NUDT7: variants seen among roughly 807,000 people sequenced by gnomAD.
NUDT7 encodes nudix hydrolase 7.
NUDT7 carries 19 observed loss-of-function variants against 13.1 expected under a neutral mutation model. That is an observed-to-expected ratio of 1.45 (90% confidence interval 1.01 to 2.13). The LOEUF is 2.13. Among genes scored for constraint, NUDT7 ranks in the 30% most tolerant of loss-of-function variants. The probability of loss-of-function intolerance (pLI) is 0.00; values close to 1 mark genes in which losing one functional copy is unlikely to be tolerated. For synonymous variants in NUDT7, 132 were observed against 109.7 expected (o/e 1.20, Z -1.27); for missense variants, 360 against 291.7 (o/e 1.23, Z -1.71).
chr16:77,741,837 A>G lies in NUDT7; in HGVS notation c.604A>G (p.Ile202Val), dbSNP rs992683649. 11 of 1,614,034 alleles carry G rather than the reference A, an allele frequency of 6.8e-6. No homozygotes were observed. Among genetic ancestry groups the G allele is most frequent in the African/African-American group, 2.7e-5 (2 of 74,932 alleles). ...TANLAVLVAF[I>V]ILEKKPTFEV... ...AAACCTTGCAGTGTTGGTGGCCTTT[A>G]TCATTTTGGAAAAAAAACCCACCTT... Residue 202 changes from isoleucine (I) to valine (V), a missense_variant, in exon 4 of 4, where the codon ATC (isoleucine) becomes GTC (valine). Coordinates refer to ENST00000268533, the MANE Select transcript of NUDT7 (RefSeq NM_001105663.3).
chr16:77,733,405 T>C (rs955310489), intron 2 of NUDT7, among the ~76,000 whole-genome samples: 3 of 152,204 alleles, frequency 2.0e-5, no homozygotes, highest in East Asian at 3.9e-4. Flanking sequence ...CTGGTCTCTT[T>C]TATAAGGGCA....
intron 2 of NUDT7, among the ~76,000 whole-genome samples, chr16:77,730,220 G>A (rs546178749): frequency 1.3e-3 from 201 of 152,194 alleles, no homozygotes; most frequent in African/African-American, 4.7e-3. Flanking sequence ...TACATCTCTC[G>A]AATTTATTCC....
intron 3 of NUDT7, among the ~76,000 whole-genome samples, chr16:77,739,980 C>A (rs74883627): frequency 0.015 from 2,255 of 152,262 alleles, 70 homozygotes; most frequent in Admixed American, 0.068. Context: ...CTCCCCTCTT[C>A]CCCTTAACTG....
At chr16:77,726,756 C>T (rs1597110983) in intron 2 of NUDT7, among the ~76,000 whole-genome samples, 1 of 152,046 alleles carries the variant, frequency 6.6e-6, no homozygotes, top group Non-Finnish European at 1.5e-5. Context: ...GAGATTGTGC[C>T]ACTGCGCTCC....
At chr16:77,727,661 T>C (rs1288004640) in intron 2 of NUDT7, among the ~76,000 whole-genome samples, 1 of 152,070 alleles carries the variant, frequency 6.6e-6, no homozygotes, top group African/African-American at 2.4e-5. Flanking sequence ...TCGAGACCAG[T>C]CTGGCCAACA....
At chr16:77,741,477 C>G in intron 3 of NUDT7, 105 bp from the exon 4 acceptor site, 1 of 1,202,810 alleles carries the variant, frequency 8.3e-7, no homozygotes, top group South Asian at 1.5e-5. Context: ...CCCCTTCTCC[C>G]AGGTTCGGTG....
At chr16:77,723,565 G>A (rs968921831) in intron 1 of NUDT7, among the ~76,000 whole-genome samples, 4 of 149,586 alleles carry the variant, frequency 2.7e-5, no homozygotes, top group Non-Finnish European at 5.9e-5. Context: ...AAATGAAGAT[G>A]AAACTCAGAG....
At chr16:77,735,215 A>T (rs2014438989) in intron 2 of NUDT7, among the ~76,000 whole-genome samples, 2 of 152,036 alleles carry the variant, frequency 1.3e-5, no homozygotes, top group African/African-American at 4.8e-5. Context: ...TCCCCACCCA[A>T]ATCTCATGTT....
intron 2 of NUDT7, 68 bp downstream of exon 2, chr16:77,725,652 C>T (rs752670591): frequency 3.4e-6 from 5 of 1,453,624 alleles, no homozygotes; most frequent in South Asian, 2.6e-5. Context: ...GATTTTGTCA[C>T]TTGCACACAC....
chr16:77,728,191 C>T (rs1037791352), intron 2 of NUDT7, among the ~76,000 whole-genome samples: 7 of 152,094 alleles, frequency 4.6e-5, no homozygotes, highest in Non-Finnish European at 1.0e-4. Context: ...TGGGTTAACC[C>T]TTCTCAAATG....
At position 77,738,739 on chromosome 16, in the gene NUDT7, C is replaced by T. The variant is rs181827681; in HGVS notation, c.348+2753C>T. Among the ~76,000 whole-genome samples the T allele has an allele frequency of 6.8e-4, 104 of 152,242 alleles. 1 individual carries two copies. Among genetic ancestry groups the T allele is most frequent in the African/African-American group, 1.7e-3 (72 of 41,548 alleles). ...GTATGTATGCACCTATGTATGTACC[C>T]GCTACATAAGCCTTCCAGGCAGGCT... On this transcript the variant is annotated intron_variant, in intron 3 of 3. Transcript: ENST00000268533.
At position 77,725,661 on chromosome 16, in the gene NUDT7, A is replaced by G. The variant is rs546301272; in HGVS notation, c.189+77A>G. Reference sequence around the variant, plus strand: ...TCACGAGATTTTGTCACTTGCACACACTTTGATGCCAAAATTCTCAAAAGG... The same window carrying G: ...TCACGAGATTTTGTCACTTGCACACGCTTTGATGCCAAAATTCTCAAAAGG... On this transcript the variant is annotated intron_variant, in intron 2 of 3. Transcript: ENST00000268533. 6.9e-4 allele frequency: 941 copies of G among 1,360,440 alleles called. 13 individuals carry two copies. In the South Asian group the frequency reaches 0.012, roughly 17 times the overall value. The allele number at this position is 1,360,440 out of a possible 1,614,324, so 84.3% of individuals were successfully genotyped here.
At chr16:77,732,487 G>A (rs1202748180) in intron 2 of NUDT7, among the ~76,000 whole-genome samples, 3 of 152,122 alleles carry the variant, frequency 2.0e-5, no homozygotes, top group Admixed American at 2.0e-4. Flanking sequence ...AGTCCTGCAA[G>A]CTCCATTTAT....
chr16:77,733,282 G>C (rs778246876), intron 2 of NUDT7, among the ~76,000 whole-genome samples: 11 of 152,218 alleles, frequency 7.2e-5, no homozygotes, highest in Non-Finnish European at 1.5e-4. Flanking sequence ...TGGAGGCTGG[G>C]AAGTCCAAGA....
intron 3 of NUDT7, among the ~76,000 whole-genome samples, chr16:77,739,422 T>G (rs772572765): frequency 6.6e-6 from 1 of 152,174 alleles, no homozygotes; most frequent in Non-Finnish European, 1.5e-5. Context: ...CTTCCTGACA[T>G]TGCCGTGGCA....
intron 2 of NUDT7, among the ~76,000 whole-genome samples, chr16:77,732,721 G>C (rs1207020763): frequency 1.3e-5 from 2 of 152,188 alleles, no homozygotes; most frequent in African/African-American, 4.8e-5. Context: ...AGTGCACCCT[G>C]TGTTGTTTAC....
intron 2 of NUDT7, 40 bp downstream of exon 2, chr16:77,725,624 C>G (rs2014110798): frequency 6.3e-7 from 1 of 1,583,212 alleles, no homozygotes; most frequent in South Asian, 1.1e-5. Context: ...AACCTCAGGA[C>G]ATCAGAAGAC....
chr16:77,725,525 T>C lies in NUDT7; in HGVS notation c.130T>C (p.Leu44=), dbSNP rs1597110276. 2 of 1,614,144 alleles carry C rather than the reference T, an allele frequency of 1.2e-6. No homozygotes were observed. The highest frequency in any genetic ancestry group is 2.2e-5 in the East Asian group (1 of 44,882). The change falls in exon 2 of 4, where the codon TTG becomes CTG. Residue 44 remains leucine, a synonymous_variant. Coordinates refer to ENST00000268533, the MANE Select transcript of NUDT7 (RefSeq NM_001105663.3). ...GCCATATAACAAATACTCCGTCCTT[T>C]TGCCATTGGTGGCTAAAGAAGGAAA... is the stretch of plus-strand genomic sequence containing the variant. The part of the protein sequence containing the change: ...HLPYNKYSVL[L]PLVAKEGKLH...
In NUDT7 at chr16:77,725,579, G is replaced by C. The variant is rs1456507486; in HGVS notation, c.184G>C (p.Glu62Gln). The C allele has an allele frequency of 3.1e-6, 5 of 1,613,540 alleles. No individual in the cohort carries two copies. The Admixed American group carries it at 5.0e-5, about 16-fold the overall frequency. Residue 62 changes from glutamate (E) to glutamine (Q), a missense_variant, in exon 2 of 4, where the codon GAG (glutamate) becomes CAG (glutamine). Glu to Gln is a conservative substitution (Grantham distance 29, BLOSUM62 2). Transcript: ENST00000268533. ...CCATTTGTTGTTCACCGTCCGGTCA[G>C]AGAAGGTAGGTGGACAAAAAATTTC... is the stretch of plus-strand genomic sequence containing the variant. Reference protein sequence around the residue: ...KLHLLFTVRSEKLRRAPGEVC... With the variant: ...KLHLLFTVRSQKLRRAPGEVC...
Sources: gnomAD v4.1 joint callset for allele counts (sites outside exome capture counted in the v4.1 genomes callset) on GRCh38, gnomAD v4.1.1 for gene constraint, MANE v1.5 for transcripts, NCBI Gene and HGNC (gene_info 2026-07-23, HGNC 2026-07-21) for gene names.